Variants in CAPN13 observed in about 807,000 individuals in gnomAD.
The protein encoded by CAPN13 is calpain 13, also known as calpain-13.
Under a neutral mutation model 98.4 loss-of-function variants are expected in CAPN13, and 90 were observed. That is an observed-to-expected ratio of 0.92 (90% CI 0.77 to 1.09). The LOEUF is 1.09. Ranked by LOEUF, CAPN13 falls within the 50% of genes least tolerant of loss-of-function variation. The probability of loss-of-function intolerance (pLI) is 0.00; values close to 1 mark genes in which losing one functional copy is unlikely to be tolerated. For missense variants in CAPN13, 887 were observed against 841.3 expected (o/e 1.05, Z -0.67); for synonymous variants, 330 against 305.5 (o/e 1.08, Z -0.84).
At chr2:30,723,463 C>T (rs1198000608) in intron 22 of CAPN13, among the ~76,000 whole-genome samples, 1 of 152,078 alleles carries the variant, frequency 6.6e-6, no homozygotes, top group African/African-American at 2.4e-5. Flanking sequence ...CCTTAAAGGG[C>T]ACCCCCCCAC....
At chr2:30,731,993 G>A (rs1174856501) in intron 20 of CAPN13, among the ~76,000 whole-genome samples, 1 of 152,112 alleles carries the variant, frequency 6.6e-6, no homozygotes, top group Non-Finnish European at 1.5e-5. Flanking sequence ...TAAAAACAAA[G>A]GGTGATGCTG....
intron 1 of CAPN13, among the ~76,000 whole-genome samples, chr2:30,806,781 C>T (rs1241861009): frequency 2.6e-5 from 4 of 152,232 alleles, no homozygotes; most frequent in African/African-American, 9.6e-5. Flanking sequence ...TTGTAATGAT[C>T]TGTCTTTTGT....
chr2:30,787,192 G>T lies in CAPN13; in HGVS notation c.134C>A (p.Ser45Tyr), dbSNP rs1230466145. Residue 45 changes from serine (S) to tyrosine (Y), a missense_variant, in exon 2 of 23, where the codon TCT (serine) becomes TAT (tyrosine). Physicochemically the swap from Ser to Tyr is moderately radical, Grantham distance 144. Transcript: ENST00000295055. ...FKDETFPAAD[S>Y]SIGQKLLQEK... ...CTGGAGCAGCTTCTGGCCTATGGAAGAATCTGCTGCAGGGAATGTCTCATC... is the reference window on the plus strand; with the variant it reads ...CTGGAGCAGCTTCTGGCCTATGGAATAATCTGCTGCAGGGAATGTCTCATC... The T allele has an allele frequency of 3.7e-6, 6 of 1,600,446 alleles. No individual in the cohort carries two copies. Among genetic ancestry groups the T allele is most frequent in the Non-Finnish European group, 4.3e-6 (5 of 1,173,558 alleles).
chr2:30,769,783 T>A (rs558659446), intron 5 of CAPN13, among the ~76,000 whole-genome samples: 41 of 152,258 alleles, frequency 2.7e-4, no homozygotes, highest in Admixed American at 5.2e-4. Flanking sequence ...CCCCCACACA[T>A]AAATGCCACC....
chr2:30,724,544 C>T (rs577290630), intron 22 of CAPN13, among the ~76,000 whole-genome samples: 9 of 152,300 alleles, frequency 5.9e-5, no homozygotes, highest in Admixed American at 5.2e-4. Flanking sequence ...CCAACTCTTC[C>T]TCCTCCTTGG....
intron 5 of CAPN13, among the ~76,000 whole-genome samples, chr2:30,768,881 C>G (rs1673243076): frequency 6.6e-6 from 1 of 152,034 alleles, no homozygotes; most frequent in Non-Finnish European, 1.5e-5. Flanking sequence ...TTTGCAAAAG[C>G]TAGAAAGCTG....
At chr2:30,796,122 A>G (rs921970273) in intron 1 of CAPN13, among the ~76,000 whole-genome samples, 3 of 149,160 alleles carry the variant, frequency 2.0e-5, no homozygotes, top group African/African-American at 7.4e-5. Flanking sequence ...TTGCAGGAAG[A>G]GAATTACATA....
intron 1 of CAPN13, among the ~76,000 whole-genome samples, chr2:30,797,244 C>A (rs935341655): frequency 4.6e-5 from 7 of 152,156 alleles, no homozygotes; most frequent in Admixed American, 4.6e-4. Context: ...TATTTAACCA[C>A]CTCTGGCCCC....
intron 1 of CAPN13, among the ~76,000 whole-genome samples, chr2:30,789,918 T>C (rs1674516310): frequency 6.6e-6 from 1 of 152,210 alleles, no homozygotes; most frequent in Non-Finnish European, 1.5e-5. Flanking sequence ...CCCTGGGCTC[T>C]GTTACTGCTC....
chr2:30,791,332 G>A (rs1312170816), intron 1 of CAPN13, among the ~76,000 whole-genome samples: 2 of 152,236 alleles, frequency 1.3e-5, no homozygotes, highest in Admixed American at 1.3e-4. Flanking sequence ...TGTCTTAGCA[G>A]TATCTTGATA....
intron 6 of CAPN13, among the ~76,000 whole-genome samples, chr2:30,763,438 G>A (rs1039377724): frequency 2.0e-5 from 3 of 152,248 alleles, no homozygotes; most frequent in Non-Finnish European, 4.4e-5. Flanking sequence ...TGTCATCAGT[G>A]AGACACGGCA....
At chr2:30,756,982 A>G (rs2148002863) in intron 8 of CAPN13, among the ~76,000 whole-genome samples, 1 of 152,264 alleles carries the variant, frequency 6.6e-6, no homozygotes, top group Non-Finnish European at 1.5e-5. Context: ...CGGTCCTGCC[A>G]CAGCTTAGCC....
chr2:30,748,584 C>A (rs930530419), intron 11 of CAPN13, among the ~76,000 whole-genome samples: 2 of 151,984 alleles, frequency 1.3e-5, no homozygotes, highest in Non-Finnish European at 2.9e-5. Context: ...AAGGGAGCAT[C>A]TAATTGGGCA....
At chr2:30,759,057 TCCCTCCCTCCCTCC>T (rs1672667018) in intron 7 of CAPN13, among the ~76,000 whole-genome samples, 1 of 10,770 alleles carries the variant, frequency 9.3e-5, no homozygotes, top group African/African-American at 4.8e-4. Flanking sequence ...CTTCCTTCCC[TCCCTCCCTCCCTCC>T]TCCCTCCCTT....
intron 13 of CAPN13, chr2:30,743,126 C>T (rs11127287): frequency 0.23 from 116,333 of 503,162 alleles, 14,200 homozygotes; most frequent in Admixed American, 0.34. Context: ...TCCTCAGTCC[C>T]TCTTGCCACT....
At chr2:30,784,888 A>G (rs1027733338) in intron 2 of CAPN13, among the ~76,000 whole-genome samples, 1 of 152,192 alleles carries the variant, frequency 6.6e-6, no homozygotes, top group African/African-American at 2.4e-5. Flanking sequence ...CCATGTGGTC[A>G]ACACTCTGTG....
Position 30,751,047 on chromosome 2 carries a change from A to C in CAPN13, c.1236+56T>G, listed in dbSNP as rs62142187. 0.16 allele frequency: 257,849 copies of C among 1,581,560 alleles called. 23,792 individuals carry two copies. Among genetic ancestry groups the C allele is most frequent in the Non-Finnish European group, 0.19 (224,039 of 1,160,272 alleles). Reference sequence around the variant, plus strand: ...AGCCTGGCCAGAGCTGTTCTCCCCAACTCAAGGTTTACACTAAATTTCTAC... The same window carrying C: ...AGCCTGGCCAGAGCTGTTCTCCCCACCTCAAGGTTTACACTAAATTTCTAC... On this transcript the variant is annotated intron_variant, in intron 11 of 22. Coordinates refer to ENST00000295055, the MANE Select transcript of CAPN13 (RefSeq NM_144575.3).
chr2:30,760,167 C>T (rs1249379340), intron 7 of CAPN13, among the ~76,000 whole-genome samples: 4 of 152,360 alleles, frequency 2.6e-5, no homozygotes, highest in Admixed American at 2.6e-4. Context: ...ACTGCAAGCT[C>T]CGCCTCCCGG....
chr2:30,750,049 G>T (rs1055827224), intron 11 of CAPN13, among the ~76,000 whole-genome samples: 3 of 152,150 alleles, frequency 2.0e-5, no homozygotes. Context: ...CAAAGACATG[G>T]AATCAACCTA....
Sources: gnomAD v4.1 joint callset for allele counts (sites outside exome capture counted in the v4.1 genomes callset) on GRCh38, gnomAD v4.1.1 for gene constraint, MANE v1.5 for transcripts, NCBI Gene and HGNC (gene_info 2026-07-23, HGNC 2026-07-21) for gene names.